The following XYLT1 variants were observed in gnomAD, a reference collection of about 807,000 sequenced individuals.
XYLT1 encodes the protein xylosyltransferase 1.
XYLT1 carries 36 observed loss-of-function variants against 91.3 expected under a neutral mutation model. The ratio of observed to expected loss-of-function variants is 0.39; its 90% CI spans 0.30 to 0.52. XYLT1 has a LOEUF of 0.52. Ranked by LOEUF, XYLT1 falls within the 20% of genes least tolerant of loss-of-function variation. The pLI is 0.68. For missense variants in XYLT1, 1,242 were observed against 1,284.5 expected, an observed-to-expected ratio of 0.97 and a Z score of 0.51; for synonymous variants, 588 against 532.0, an observed-to-expected ratio of 1.11 and a Z score of -1.45.
intron 11 of XYLT1, among the ~76,000 whole-genome samples, chr16:17,116,739 G>A (rs956199227): frequency 3.9e-5 from 6 of 152,252 alleles, no homozygotes; most frequent in South Asian, 2.1e-4. Flanking sequence ...TTCTAAACTC[G>A]TCTTAGCACT....
At chr16:17,217,991 C>T (rs2032892186) in intron 3 of XYLT1, among the ~76,000 whole-genome samples, 1 of 151,576 alleles carries the variant, frequency 6.6e-6, no homozygotes, top group African/African-American at 2.4e-5. Context: ...GTTGGGGGTC[C>T]AGGCGCAGCG....
intron 3 of XYLT1, among the ~76,000 whole-genome samples, chr16:17,229,651 G>C (rs1476721450): frequency 6.6e-6 from 1 of 152,148 alleles, no homozygotes; most frequent in Non-Finnish European, 1.5e-5. Context: ...TTTTACCATG[G>C]GGAATGCATT....
chr16:17,447,922 C>A (rs2036613765), intron 1 of XYLT1, among the ~76,000 whole-genome samples: 2 of 152,230 alleles, frequency 1.3e-5, no homozygotes, highest in South Asian at 2.1e-4. Context: ...GGCCTCTGTG[C>A]TTCATTGTAA....
intron 3 of XYLT1, among the ~76,000 whole-genome samples, chr16:17,213,192 A>G (rs34821320): frequency 0.091 from 13,722 of 151,566 alleles, 696 homozygotes; most frequent in South Asian, 0.18. Context: ...AGTGTGTGGC[A>G]CCTCCCCTGT....
chr16:17,313,326 G>A (rs1483459061), intron 2 of XYLT1, among the ~76,000 whole-genome samples: 1 of 152,214 alleles, frequency 6.6e-6, no homozygotes, highest in Admixed American at 6.5e-5. Flanking sequence ...CTGGAGGAGG[G>A]AGAGAGAAGG....
At chr16:17,178,921 T>C (rs2032004229) in intron 5 of XYLT1, among the ~76,000 whole-genome samples, 1 of 151,920 alleles carries the variant, frequency 6.6e-6, no homozygotes, top group African/African-American at 2.4e-5. Context: ...ATACAAAAAT[T>C]ATCCAAGTGT....
At position 17,409,083 on chromosome 16, in the gene XYLT1, G is replaced by T. The variant is rs541156789; in HGVS notation, c.364-51033C>A. 2.7e-5 allele frequency among the ~76,000 whole-genome samples: 4 copies of T among 147,888 alleles called. No homozygotes were observed. The South Asian group carries it at 8.5e-4, about 31-fold the overall frequency. ...GGGGAAAAAAGATGCAAATTACAAA[G>T]ACCTTTTTCAGAGCCACCACCTTCT... On this transcript the variant is annotated intron_variant, in intron 1 of 11. Transcript: ENST00000261381.
intron 2 of XYLT1, among the ~76,000 whole-genome samples, chr16:17,357,625 C>T (rs2035320255): frequency 6.6e-6 from 1 of 152,220 alleles, no homozygotes; most frequent in African/African-American, 2.4e-5. Flanking sequence ...GAATAAAAGT[C>T]CTCCAAGTTC....
At chr16:17,177,763 G>T (rs1309931104) in intron 5 of XYLT1, among the ~76,000 whole-genome samples, 1 of 152,184 alleles carries the variant, frequency 6.6e-6, no homozygotes, top group Non-Finnish European at 1.5e-5. Flanking sequence ...TGAGTCAGTA[G>T]AAAACCAGAC....
At chr16:17,195,822 G>C (rs1429946473) in intron 5 of XYLT1, among the ~76,000 whole-genome samples, 4 of 152,158 alleles carry the variant, frequency 2.6e-5, no homozygotes, top group Admixed American at 6.5e-5. Context: ...CATCTTCTCA[G>C]CTAGGATACA....
intron 5 of XYLT1, among the ~76,000 whole-genome samples, chr16:17,178,824 C>T (rs1169673233): frequency 6.6e-6 from 1 of 152,172 alleles, no homozygotes; most frequent in Non-Finnish European, 1.5e-5. Flanking sequence ...AATCCCAGAA[C>T]TTTGTGAGCT....
At chr16:17,246,785 T>C (rs1202579591) in intron 3 of XYLT1, among the ~76,000 whole-genome samples, 1 of 152,156 alleles carries the variant, frequency 6.6e-6, no homozygotes, top group Non-Finnish European at 1.5e-5. Context: ...AGACTCAGGA[T>C]ATGCTATAGC....
At chr16:17,404,391 A>C (rs2036005243) in intron 1 of XYLT1, among the ~76,000 whole-genome samples, 1 of 152,100 alleles carries the variant, frequency 6.6e-6, no homozygotes, top group Non-Finnish European at 1.5e-5. Flanking sequence ...CAAAGTCAAA[A>C]CCGTAACAGC....
chr16:17,222,899 C>T (rs1197634801), intron 3 of XYLT1, among the ~76,000 whole-genome samples: 8 of 151,702 alleles, frequency 5.3e-5, no homozygotes, highest in African/African-American at 1.2e-4. Context: ...GGCCGCTCTT[C>T]GTGAACCACA....
At position 17,300,619 on chromosome 16, in the gene XYLT1, G is replaced by A. The variant is rs148270452; in HGVS notation, c.403-41121C>T. Reference sequence around the variant, plus strand: ...TTACAGGCACCTGCCACCATACCTGGCTAATTTTCATGTTTTTAGTAGTGA... The same window carrying A: ...TTACAGGCACCTGCCACCATACCTGACTAATTTTCATGTTTTTAGTAGTGA... On this transcript the variant is annotated intron_variant, in intron 2 of 11. Transcript: ENST00000261381. 5.9e-3 allele frequency among the ~76,000 whole-genome samples: 899 copies of A among 151,602 alleles called. 10 individuals are homozygous for A. Among genetic ancestry groups the A allele is most frequent in the African/African-American group, 0.021 (849 of 41,280 alleles).
chr16:17,122,043 G>A (rs1371584700), intron 10 of XYLT1, among the ~76,000 whole-genome samples: 2 of 151,930 alleles, frequency 1.3e-5, no homozygotes, highest in African/African-American at 4.8e-5. Context: ...TTTTGCAATT[G>A]TGAATTGTGC....
chr16:17,206,603 G>T (rs2032651158), intron 3 of XYLT1, among the ~76,000 whole-genome samples: 1 of 152,154 alleles, frequency 6.6e-6, no homozygotes, highest in African/African-American at 2.4e-5. Flanking sequence ...TCTCATGGTG[G>T]CTTGCGTCTG....
At chr16:17,282,135 C>T (rs1164292246) in intron 2 of XYLT1, among the ~76,000 whole-genome samples, 1 of 152,126 alleles carries the variant, frequency 6.6e-6, no homozygotes, top group African/African-American at 2.4e-5. Context: ...TTCTAAGCAC[C>T]CTGCATGGTC....
intron 3 of XYLT1, among the ~76,000 whole-genome samples, chr16:17,254,921 G>C (rs971335152): frequency 3.9e-5 from 6 of 152,022 alleles, no homozygotes; most frequent in African/African-American, 1.2e-4. Context: ...GCATTTTGCA[G>C]GGTTAAGAAA....
Sources: allele counts gnomAD v4.1 joint callset (sites outside exome capture counted in the v4.1 genomes callset), GRCh38; gene constraint gnomAD v4.1.1; transcripts MANE v1.5; gene names NCBI Gene and HGNC (gene_info 2026-07-23, HGNC 2026-07-21).